STK17A: variants seen among roughly 807,000 people sequenced by gnomAD.
STK17A encodes serine/threonine kinase 17a.
A neutral mutation model predicts 43.7 loss-of-function variants in STK17A; 26 were observed. That is an observed-to-expected ratio of 0.60 (90% CI 0.44 to 0.83). The LOEUF (loss-of-function observed/expected upper bound fraction) is 0.83, where lower values mean the gene tolerates loss of function less well. STK17A is among the 40% of genes least tolerant of loss of function. STK17A has a pLI of 0.00. For missense variants in STK17A, 476 were observed against 511.6 expected (o/e 0.93, Z 0.67); for synonymous variants, 191 against 182.5 (o/e 1.05, Z -0.38).
At chr7:43,610,346 C>CAAAAAAAAA (rs138859141) in intron 3 of STK17A, among the ~76,000 whole-genome samples, 8 of 41,328 alleles carry the variant, frequency 1.9e-4, no homozygotes, top group African/African-American at 7.6e-4. Context: ...GACTCCGTCT[C>CAAAAAAAAA]AAAAAAAAAA....
Position 43,583,278 on chromosome 7 carries a change from C to G in STK17A, c.35C>G (p.Ser12Cys). ...TTGGAGAAGCCAGGCAGCGGCGGCT[C>G]CTCCCCAGGCGCCACCTCAGGCTCG... ...IPLEKPGSGG[S>C]SPGATSGSGR... The change falls in exon 1 of 7, where the codon TCC becomes TGC. Residue 12 changes from serine to cysteine, a missense_variant. Around this residue, in one of 3 missense-constraint regions of STK17A, gnomAD observed 320 missense variants for 326.3 expected, o/e 0.98. Transcript: ENST00000319357. The G allele has an allele frequency of 6.5e-7, 1 of 1,543,956 alleles. No individual in the cohort carries two copies.
rs2084338491 is a variant in STK17A at position 43,624,922 on chromosome 7, A to G, written c.*80A>G. 4 of 1,251,788 alleles carry G rather than the reference A, an allele frequency of 3.2e-6. No homozygotes were observed. Among genetic ancestry groups the G allele is most frequent in the Admixed American group, 2.4e-5 (1 of 42,088 alleles). 77.5% of individuals were successfully genotyped at this position (1,251,788 alleles called of 1,614,324 possible). A position where few individuals can be genotyped will look rare whatever the true frequency, so the allele number is the denominator to read the frequency against. On this transcript the variant is annotated 3_prime_UTR_variant, in exon 7 of 7. Transcript: ENST00000319357. ...TTATGGACCTCTGGCCAAATGGTACATGTACTGGAAGTGGATAACCAGTAT... is the reference window on the plus strand; with the variant it reads ...TTATGGACCTCTGGCCAAATGGTACGTGTACTGGAAGTGGATAACCAGTAT...
At chr7:43,614,029 T>C (rs1279419236) in intron 3 of STK17A, among the ~76,000 whole-genome samples, 1 of 152,210 alleles carries the variant, frequency 6.6e-6, no homozygotes, top group African/African-American at 2.4e-5. Context: ...ATTTCTCTAC[T>C]CTAACCTGGG....
In STK17A at chr7:43,583,497, C is replaced by A. The variant is rs763712208; in HGVS notation, c.206+48C>A. 43 of 1,254,006 alleles carry A rather than the reference C, an allele frequency of 3.4e-5. No homozygotes were observed. The Admixed American group carries it at 1.7e-3, about 51-fold the overall frequency. 77.7% of individuals were successfully genotyped at this position (1,254,006 alleles called of 1,614,324 possible). A position where few individuals can be genotyped will look rare whatever the true frequency, so the allele number is the denominator to read the frequency against. ...GCGGAACCTTCCCGGACGCGCGGGGCGGGACGTGGGCGCCGATAAGTGCCG... is the reference window on the plus strand; with the variant it reads ...GCGGAACCTTCCCGGACGCGCGGGGAGGGACGTGGGCGCCGATAAGTGCCG... On this transcript the variant is annotated intron_variant, in intron 1 of 6. Transcript: ENST00000319357.
In STK17A at chr7:43,625,101, C is replaced by G. The variant is rs2084362742; in HGVS notation, c.*259C>G. Reference sequence around the variant, plus strand: ...TGTTGGCACCTTTGAATTCTACATCCTGTTTCTCCAGAATGAGAATTTGTG... The same window carrying G: ...TGTTGGCACCTTTGAATTCTACATCGTGTTTCTCCAGAATGAGAATTTGTG... On this transcript the variant is annotated 3_prime_UTR_variant, in exon 7 of 7. Coordinates refer to ENST00000319357, the MANE Select transcript of STK17A (RefSeq NM_004760.3). 3.2e-6 allele frequency: 1 copy of G among 317,098 alleles called. No individual in the cohort carries two copies. Among genetic ancestry groups the G allele is most frequent in the African/African-American group, 2.2e-5 (1 of 46,510 alleles). 19.6% of individuals were successfully genotyped at this position (317,098 alleles called of 1,614,324 possible).
At chr7:43,604,102 A>G (rs532832932) in intron 2 of STK17A, among the ~76,000 whole-genome samples, 1 of 152,330 alleles carries the variant, frequency 6.6e-6, no homozygotes, top group Admixed American at 6.5e-5. Context: ...TGTATTAAGC[A>G]TTCACTATGT....
chr7:43,605,265 G>C (rs1028468577), intron 2 of STK17A, among the ~76,000 whole-genome samples: 5 of 152,178 alleles, frequency 3.3e-5, no homozygotes, highest in Admixed American at 6.6e-5. Context: ...GCAGGGTTGA[G>C]TAGATTTTAT....
intron 4 of STK17A, 143 bp downstream of exon 4, chr7:43,619,866 A>AT (rs1444261337): frequency 8.6e-7 from 1 of 1,159,842 alleles, no homozygotes; most frequent in Non-Finnish European, 1.2e-6. Context: ...TTTGGATTAC[A>AT]TTTTACAATG....
intron 3 of STK17A, among the ~76,000 whole-genome samples, chr7:43,611,405 C>T (rs2082865536): frequency 6.6e-6 from 1 of 152,068 alleles, no homozygotes; most frequent in South Asian, 2.1e-4. Context: ...CACTCAGGAC[C>T]CAGTAGCCAC....
intron 1 of STK17A, among the ~76,000 whole-genome samples, chr7:43,590,426 A>G (rs978643698): frequency 6.6e-6 from 1 of 151,336 alleles, no homozygotes; most frequent in Non-Finnish European, 1.5e-5. Flanking sequence ...GTGGGTCTCA[A>G]TCAAATGTCA....
intron 2 of STK17A, among the ~76,000 whole-genome samples, chr7:43,597,017 T>G (rs1414688983): frequency 6.6e-6 from 1 of 151,768 alleles, no homozygotes; most frequent in African/African-American, 2.4e-5. Context: ...ATAATTAATT[T>G]AAAAAAACAA....
intron 4 of STK17A, chr7:43,622,802 G>C (rs1204754817): frequency 6.6e-6 from 1 of 151,900 alleles, no homozygotes; most frequent in Non-Finnish European, 1.5e-5. Context: ...CCAGACTCAA[G>C]TGATCCTCCC....
At chr7:43,599,761 C>A (rs2082543641) in intron 2 of STK17A, among the ~76,000 whole-genome samples, 1 of 152,214 alleles carries the variant, frequency 6.6e-6, no homozygotes, top group African/African-American at 2.4e-5. Flanking sequence ...ATGCTGGTAA[C>A]ATGGCTCAGT....
chr7:43,619,973 T>C (rs374084208), intron 4 of STK17A, among the ~76,000 whole-genome samples: 11 of 152,314 alleles, frequency 7.2e-5, no homozygotes, highest in African/African-American at 2.6e-4. Flanking sequence ...CTAAAAGGAA[T>C]AGGAGAGGAT....
At chr7:43,588,048 G>A (rs1322133948) in intron 1 of STK17A, among the ~76,000 whole-genome samples, 1 of 151,520 alleles carries the variant, frequency 6.6e-6, no homozygotes, top group African/African-American at 2.4e-5. Flanking sequence ...AGAAAGCTAA[G>A]TAGCTATAGT....
At chr7:43,606,059 TAA>T (rs2082586438) in intron 2 of STK17A, among the ~76,000 whole-genome samples, 2 of 152,108 alleles carry the variant, frequency 1.3e-5, no homozygotes, top group Non-Finnish European at 2.9e-5. Context: ...GCTCAATTGC[TAA>T]GTTATCAAGT....
chr7:43,583,319 G>T lies in STK17A; in HGVS notation c.76G>T (p.Gly26Cys). 6.7e-7 allele frequency: 1 copy of T among 1,488,030 alleles called. No individual in the cohort carries two copies. The highest frequency in any genetic ancestry group is 8.9e-7 in the Non-Finnish European group (1 of 1,119,302). The allele number at this position is 1,488,030 out of a possible 1,614,324, so 92.2% of individuals were successfully genotyped here. Residue 26 changes from glycine (G) to cysteine (C), a missense_variant, in exon 1 of 7, where the codon GGT becomes TGT. Coordinates refer to ENST00000319357, the MANE Select transcript of STK17A (RefSeq NM_004760.3). ...CTCAGGCTCGGGCCGGGCAGGCCGG[G>T]GTCTGAGCGGGCCGTGCCGGCCGCC... is the stretch of plus-strand genomic sequence containing the variant. ...ATSGSGRAGR[G>C]LSGPCRPPPP...
rs1563175571 is a variant in STK17A at position 43,626,235 on chromosome 7, TTCTC to T, written c.*1394_*1397del. Reference sequence around the variant, plus strand: ...CACAAAGCTCTCTCCCTAACATGGTTTCTCAACTGTCAAAATCATGAAAATGACA... The same window carrying T: ...CACAAAGCTCTCTCCCTAACATGGTTAACTGTCAAAATCATGAAAATGACA... On this transcript the variant is annotated 3_prime_UTR_variant, in exon 7 of 7. Coordinates refer to ENST00000319357, the MANE Select transcript of STK17A (RefSeq NM_004760.3). 3 of 152,238 alleles carry T rather than the reference TTCTC, an allele frequency of 2.0e-5. No homozygotes were observed. The highest frequency in any genetic ancestry group is 4.4e-5 in the Non-Finnish European group (3 of 68,042). 9.4% of individuals were successfully genotyped at this position (152,238 alleles called of 1,614,324 possible).
intron 2 of STK17A, among the ~76,000 whole-genome samples, chr7:43,597,393 A>ATT (rs536609300): frequency 6.8e-6 from 1 of 146,570 alleles, no homozygotes; most frequent in African/African-American, 2.5e-5. Context: ...TGTTGTTATT[A>ATT]TTTTTTTTTT....
Sources: allele counts gnomAD v4.1 joint callset (sites outside exome capture counted in the v4.1 genomes callset), GRCh38; gene constraint gnomAD v4.1.1; regional missense constraint gnomAD v4.1.1; transcripts MANE v1.5; gene names NCBI Gene and HGNC (gene_info 2026-07-23, HGNC 2026-07-21).